Variants in AIFM3 observed in about 807,000 individuals in gnomAD.
AIFM3 encodes the protein AIF family member 3, also known as apoptosis-inducing factor 3.
A neutral mutation model predicts 82.7 loss-of-function variants in AIFM3; 71 were observed. The observed-to-expected ratio is 0.86, with a 90% CI of 0.71 to 1.05. The LOEUF (loss-of-function observed/expected upper bound fraction) is 1.05. Among genes scored for constraint, AIFM3 ranks in the 50% least tolerant of loss-of-function variants. AIFM3 has a pLI of 0.00. For missense variants in AIFM3, 748 were observed against 816.7 expected (o/e 0.92, Z 1.03); for synonymous variants, 337 against 329.1 (o/e 1.02, Z -0.26).
intron 19 of AIFM3, 175 bp downstream of exon 19, chr22:20,980,299 G>A (rs1400080042): frequency 6.3e-6 from 4 of 630,002 alleles, no homozygotes; most frequent in Non-Finnish European, 1.1e-5. Context: ...TGGTTTGAGA[G>A]CAGGCTGGTT....
chr22:20,975,119 C>A (rs1042770041), intron 8 of AIFM3, among the ~76,000 whole-genome samples: 1 of 152,130 alleles, frequency 6.6e-6, no homozygotes, highest in Non-Finnish European at 1.5e-5. Flanking sequence ...TGCACCACCA[C>A]CATGCCTGGC....
At chr22:20,968,604 G>T (rs990257276) in intron 2 of AIFM3, among the ~76,000 whole-genome samples, 1 of 152,106 alleles carries the variant, frequency 6.6e-6, no homozygotes, top group African/African-American at 2.4e-5. Flanking sequence ...GGTGCTAGGG[G>T]AGGCCTGGGT....
intron 14 of AIFM3, 119 bp downstream of exon 14, chr22:20,977,214 A>C: frequency 7.4e-7 from 1 of 1,351,022 alleles, no homozygotes; most frequent in Non-Finnish European, 1.0e-6. Context: ...CATCTGTCAA[A>C]TGGGAACCCC....
chr22:20,976,394 C>T lies in AIFM3; in HGVS notation c.900-14C>T, dbSNP rs374046191. ...GGCTGCCAGGAGGCCCTCACTGACA[C>T]GGCCATGTCTCAGCCCCAAGACTCT... On this transcript the variant is annotated splice_polypyrimidine_tract_variant and intron_variant, in intron 10 of 20. Transcript: ENST00000440238. 1.9e-5 allele frequency: 30 copies of T among 1,613,708 alleles called. No individual in the cohort carries two copies. The highest frequency in any genetic ancestry group is 6.7e-5 in the Admixed American group (4 of 59,998).
At chr22:20,979,979 C>G (rs746656823) in intron 18 of AIFM3, 41 bp from the exon 19 acceptor site, 3 of 1,575,186 alleles carry the variant, frequency 1.9e-6, no homozygotes, top group Non-Finnish European at 2.6e-6. Flanking sequence ...AAAGGGGCTG[C>G]TGCCTCGCAG....
intron 1 of AIFM3, 54 bp from the exon 2 acceptor site, chr22:20,967,751 G>C: frequency 1.6e-6 from 1 of 611,852 alleles, no homozygotes; most frequent in Non-Finnish European, 2.9e-6. Flanking sequence ...CCGTCCCTCT[G>C]TGTCTCTACC....
chr22:20,979,504 A>G (rs111995537), intron 17 of AIFM3, 123 bp from the exon 18 acceptor site: 73,682 of 1,477,246 alleles, frequency 0.05, 2,261 homozygotes, highest in African/African-American at 0.097. Context: ...CGCTGGCGGC[A>G]AGGCTACGAA....
chr22:20,966,243 GCAGGGCTGAAC>G (rs67155990), upstream of AIFM3, among the ~76,000 whole-genome samples: 98,197 of 151,578 alleles, frequency 0.65, 32,265 homozygotes, highest in African/African-American at 0.76. Context: ...AAGGAAGCGG[GCAGGGCTGAAC>G]CAGGGCTGAA....
intron 4 of AIFM3, 50 bp from the exon 5 acceptor site, chr22:20,974,013 T>C (rs1452386794): frequency 6.5e-7 from 1 of 1,548,788 alleles, no homozygotes; most frequent in Admixed American, 1.9e-5. Flanking sequence ...CTGAGATCCT[T>C]GGGAAGCAAC....
At chr22:20,979,071 C>A (rs545665890) in intron 16 of AIFM3, among the ~76,000 whole-genome samples, 200 bp from the exon 17 acceptor site, 7 of 152,314 alleles carry the variant, frequency 4.6e-5, no homozygotes, top group African/African-American at 1.7e-4. Context: ...AATCAAGTGG[C>A]TAGCTTTGAG....
At chr22:20,978,089 C>A in intron 16 of AIFM3, 84 bp downstream of exon 16, 2 of 1,292,272 alleles carry the variant, frequency 1.5e-6, no homozygotes, top group South Asian at 1.2e-5. Flanking sequence ...CAGTTGCTGA[C>A]CTTGGGTCCT....
At chr22:20,979,018 C>A (rs373676960) in intron 16 of AIFM3, among the ~76,000 whole-genome samples, 16 of 152,134 alleles carry the variant, frequency 1.1e-4, no homozygotes, top group Admixed American at 2.0e-4. Context: ...AAGAAGCAGA[C>A]CTTCCAGAGT....
At chr22:20,969,043 G>T (rs531424913) in intron 2 of AIFM3, among the ~76,000 whole-genome samples, 7 of 152,300 alleles carry the variant, frequency 4.6e-5, no homozygotes, top group African/African-American at 1.7e-4. Flanking sequence ...GCCTGGGCTG[G>T]ATCCCTCTCT....
intron 4 of AIFM3, 80 bp from the exon 5 acceptor site, chr22:20,973,983 G>GGCCC (rs981565799): frequency 6.7e-7 from 1 of 1,501,084 alleles, no homozygotes; most frequent in African/African-American, 1.4e-5. Flanking sequence ...TGTGGGGAGG[G>GGCCC]GCCCGCAGTT....
intron 19 of AIFM3, chr22:20,980,392 C>T: frequency 1.7e-6 from 1 of 595,328 alleles, no homozygotes; most frequent in South Asian, 2.0e-5. Context: ...GGGCCCAATG[C>T]ATGGGCAATC....
intron 2 of AIFM3, among the ~76,000 whole-genome samples, chr22:20,971,500 G>A (rs1923264344): frequency 6.6e-6 from 1 of 152,242 alleles, no homozygotes; most frequent in Non-Finnish European, 1.5e-5. Flanking sequence ...GGGCAGCCAG[G>A]AGAGGCAACT....
At chr22:20,973,997 G>T in intron 4 of AIFM3, 66 bp from the exon 5 acceptor site, 1 of 1,520,690 alleles carries the variant, frequency 6.6e-7, no homozygotes. Context: ...CGCAGTTGCC[G>T]GGGCACTGAG....
chr22:20,972,559 T>C (rs1174005208), intron 2 of AIFM3, among the ~76,000 whole-genome samples: 1 of 152,194 alleles, frequency 6.6e-6, no homozygotes, highest in East Asian at 1.9e-4. Context: ...GGCTGGGAAC[T>C]GAGCTGCTGC....
intron 16 of AIFM3, 57 bp downstream of exon 16, chr22:20,978,062 T>C (rs1923814676): frequency 6.5e-7 from 1 of 1,536,894 alleles, no homozygotes; most frequent in African/African-American, 1.4e-5. Context: ...GGTCTCAGTG[T>C]CCCCATGCCC....
Sources: allele counts gnomAD v4.1 joint callset (sites outside exome capture counted in the v4.1 genomes callset), GRCh38; gene constraint gnomAD v4.1.1; transcripts MANE v1.5; gene names NCBI Gene and HGNC (gene_info 2026-07-23, HGNC 2026-07-21).